Variants in ZNF487 observed in about 807,000 individuals in gnomAD.
ZNF487 encodes KRAB domain only 1.
ZNF487 carries 4 observed loss-of-function variants against 3.0 expected under a neutral mutation model. That is an observed-to-expected ratio of 1.35 (90% CI 0.66 to 3.08). The LOEUF (loss-of-function observed/expected upper bound fraction) is 3.08. Among genes scored for constraint, ZNF487 ranks in the 30% most tolerant of loss-of-function variants. ZNF487 has a pLI of 0.01. For missense variants in ZNF487, 146 were observed against 98.7 expected (o/e 1.48, Z -2.03); for synonymous variants, 55 against 34.6 (o/e 1.59, Z -2.06).
At chr10:43,515,196 GA>G in the ZNF487 span, among the ~76,000 whole-genome samples, 110 of 152,240 alleles carry the variant, frequency 7.2e-4, no homozygotes, top group African/African-American at 2.6e-3. Context: ...TTATTTATAT[GA>G]ATTAGAAAAC....
At chr10:43,455,102 G>A (rs1410151276) in intron 1 of ZNF487, among the ~76,000 whole-genome samples, 1 of 148,632 alleles carries the variant, frequency 6.7e-6, no homozygotes, top group African/African-American at 2.5e-5. Context: ...TCCGCCTCCC[G>A]GGTTCAAGGC....
chr10:43,444,727 G>C (rs1428231515), intron 1 of ZNF487, among the ~76,000 whole-genome samples: 2 of 152,002 alleles, frequency 1.3e-5, no homozygotes, highest in African/African-American at 4.8e-5. Flanking sequence ...CACCACTCCA[G>C]GCTAATTTTT....
intron 1 of ZNF487, among the ~76,000 whole-genome samples, chr10:43,448,121 C>G (rs1404852070): frequency 6.6e-6 from 1 of 151,042 alleles, no homozygotes; most frequent in Non-Finnish European, 1.5e-5. Flanking sequence ...TCCGGAGTAG[C>G]TGGGACTATA....
intron 1 of ZNF487, among the ~76,000 whole-genome samples, chr10:43,456,612 G>C (rs1489021353): frequency 1.3e-5 from 2 of 152,090 alleles, no homozygotes; most frequent in Non-Finnish European, 2.9e-5. Flanking sequence ...ATGGAGTGTC[G>C]CTCTGTCGCC....
downstream of ZNF487, chr10:43,483,192 T>C (rs1380904598): frequency 2.4e-6 from 1 of 410,826 alleles, no homozygotes; most frequent in Admixed American, 3.3e-5. Flanking sequence ...GAAGTGATAT[T>C]TCATTGAACA....
intron 1 of ZNF487, among the ~76,000 whole-genome samples, chr10:43,455,852 C>T (rs1215193825): frequency 6.6e-6 from 1 of 152,230 alleles, no homozygotes; most frequent in Admixed American, 6.5e-5. Flanking sequence ...CCACTGCGCG[C>T]CCTAGTGGGG....
chr10:43,488,356 A>T, the ZNF487 span, among the ~76,000 whole-genome samples: 1 of 152,232 alleles, frequency 6.6e-6, no homozygotes, highest in Non-Finnish European at 1.5e-5. Context: ...GAAAATAATT[A>T]TGAATTATAT....
the ZNF487 span, among the ~76,000 whole-genome samples, chr10:43,521,693 C>A: frequency 7.9e-5 from 12 of 152,010 alleles, no homozygotes; most frequent in Non-Finnish European, 1.8e-4. Flanking sequence ...TTTGTTGTCA[C>A]AAAATCCATG....
chr10:43,457,632 G>T (rs1380636197), intron 1 of ZNF487, among the ~76,000 whole-genome samples: 2 of 151,310 alleles, frequency 1.3e-5, no homozygotes, highest in Non-Finnish European at 2.9e-5. Flanking sequence ...GGAGGTTGCA[G>T]TGAGCCGAGA....
chr10:43,463,750 T>C (rs1840530299), intron 1 of ZNF487, among the ~76,000 whole-genome samples: 1 of 151,056 alleles, frequency 6.6e-6, no homozygotes, highest in African/African-American at 2.4e-5. Context: ...ATGTTGTGTC[T>C]CTGGGTCACA....
chr10:43,508,408 A>G, the ZNF487 span, among the ~76,000 whole-genome samples: 6 of 152,354 alleles, frequency 3.9e-5, no homozygotes, highest in African/African-American at 1.4e-4. Flanking sequence ...TTATGACCTT[A>G]AAATGTACCG....
chr10:43,449,986 T>A (rs1839949249), intron 1 of ZNF487, among the ~76,000 whole-genome samples: 1 of 152,106 alleles, frequency 6.6e-6, no homozygotes, highest in Non-Finnish European at 1.5e-5. Context: ...GCCTGAATGT[T>A]TACTTTTACT....
Position 43,482,651 on chromosome 10 carries a change from C to T in ZNF487, c.*729C>T, listed in dbSNP as rs770167257. Reference sequence around the variant, plus strand: ...AAGTACATCAGAGAATACATACTGGCGAGAAACCCTATGAGTGTAAGGAAT... The same window carrying T: ...AAGTACATCAGAGAATACATACTGGTGAGAAACCCTATGAGTGTAAGGAAT... On this transcript the variant is annotated 3_prime_UTR_variant, in exon 4 of 4. Coordinates refer to ENST00000437590, the MANE Select transcript of ZNF487 (RefSeq NM_001355444.3). The T allele has an allele frequency of 2.2e-5, 11 of 491,610 alleles. No individual in the cohort carries two copies. Among genetic ancestry groups the T allele is most frequent in the South Asian group, 9.0e-5 (6 of 66,794 alleles). 30.5% of individuals were successfully genotyped at this position (491,610 alleles called of 1,614,324 possible).
At chr10:43,466,181 A>AGAGAGGGAGAGGGAGACCGGAGG (rs1554798617) in intron 1 of ZNF487, among the ~76,000 whole-genome samples, 4 of 135,390 alleles carry the variant, frequency 3.0e-5, no homozygotes, top group South Asian at 2.6e-4. Context: ...GACCGTGGAA[A>AGAGAGGGAGAGGGAGACCGGAGG]GAGAGGGAGA....
intron 1 of ZNF487, among the ~76,000 whole-genome samples, chr10:43,473,468 A>G (rs982470490): frequency 1.3e-5 from 2 of 152,096 alleles, no homozygotes. Flanking sequence ...AAACAGTAAT[A>G]TCTAGCAAGA....
intron 3 of ZNF487, among the ~76,000 whole-genome samples, chr10:43,477,370 T>C (rs1232734197): frequency 6.6e-6 from 1 of 151,912 alleles, no homozygotes; most frequent in East Asian, 1.9e-4. Flanking sequence ...AATTTTTGTA[T>C]TTTTAGTAGA....
At chr10:43,439,045 G>A (rs1564409392) in intron 1 of ZNF487, among the ~76,000 whole-genome samples, 1 of 152,094 alleles carries the variant, frequency 6.6e-6, no homozygotes, top group Non-Finnish European at 1.5e-5. Flanking sequence ...TTTGAGACCA[G>A]CCTGGCCAAT....
rs558090808 is a variant in ZNF487, at chr10:43,464,726, C to T, written c.-93-10995C>T. Among the ~76,000 whole-genome samples, 5 of 152,326 alleles carry T rather than the reference C, an allele frequency of 3.3e-5. No homozygotes were observed. In the South Asian group the frequency reaches 6.2e-4, roughly 19 times the overall value. On this transcript the variant is annotated intron_variant, in intron 1 of 3. Coordinates refer to ENST00000437590, the MANE Select transcript of ZNF487 (RefSeq NM_001355444.3). ...ATCAACAGGATCCCAAGGCAGAATT[C>T]TTCTTAGTACAGAACAAAATGAAAA...
chr10:43,489,407 G>A, the ZNF487 span, among the ~76,000 whole-genome samples: 17 of 152,170 alleles, frequency 1.1e-4, no homozygotes, highest in South Asian at 2.1e-4. Flanking sequence ...TGGCTGGAGT[G>A]CAATAATGTG....
Sources: allele counts gnomAD v4.1 joint callset (sites outside exome capture counted in the v4.1 genomes callset), GRCh38; gene constraint gnomAD v4.1.1; transcripts MANE v1.5; gene names NCBI Gene and HGNC (gene_info 2026-07-23, HGNC 2026-07-21).